The following AFDN variants were observed in gnomAD, a reference collection of about 807,000 sequenced individuals.
AFDN encodes the protein afadin.
In AFDN, 68 loss-of-function variants were observed where a neutral mutation model predicts 216.6. The observed-to-expected ratio is 0.31, with a 90% CI of 0.26 to 0.38. The LOEUF is 0.38. AFDN is among the 10% of genes least tolerant of loss of function. AFDN has a pLI of 1.00. For missense variants in AFDN, 2,136 were observed against 2,342.0 expected (o/e 0.91, Z 1.82); for synonymous variants, 868 against 853.7 (o/e 1.02, Z -0.29).
intron 1 of AFDN, among the ~76,000 whole-genome samples, chr6:167,846,814 A>G (rs1000718167): frequency 2.0e-5 from 3 of 149,874 alleles, no homozygotes; most frequent in Non-Finnish European, 1.5e-5. Context: ...GAGTTAATCT[A>G]TTAGAAAAGT....
Position 167,951,208 on chromosome 6 carries a change from A to G in AFDN, c.3854A>G (p.Glu1285Gly). The change falls in exon 30 of 34, where the codon GAA (glutamate) becomes GGA (glycine). Residue 1285 changes from glutamate to glycine, a missense_variant. Around this residue, in one of 8 missense-constraint regions of AFDN, gnomAD observed 981 missense variants for 966.0 expected, o/e 1.02. Coordinates refer to ENST00000683244, the MANE Select transcript of AFDN (RefSeq NM_001386888.1). This position sits in a 1 kb window ranked among gnomAD's most constrained non-coding sequence, Gnocchi z 7.1. ...AIQRVTRSQEELREDKAYQLE... is the reference protein window; with the variant it reads ...AIQRVTRSQEGLREDKAYQLE... Reference sequence around the variant, plus strand: ...CAGCGTGTTACACGTTCCCAAGAAGAACTTCGAGAAGATAAAGCTTACCAA... The same window carrying G: ...CAGCGTGTTACACGTTCCCAAGAAGGACTTCGAGAAGATAAAGCTTACCAA... 1 of 1,563,386 alleles carries G rather than the reference A, an allele frequency of 6.4e-7. No homozygotes were observed. Among genetic ancestry groups the G allele is most frequent in the Non-Finnish European group, 8.6e-7 (1 of 1,158,008 alleles).
chr6:167,875,534 A>C, intron 5 of AFDN, 39 bp downstream of exon 5: 4 of 1,602,754 alleles, frequency 2.5e-6, no homozygotes, highest in Non-Finnish European at 3.4e-6. Context: ...ACCTGTTACA[A>C]AGAGCATTGT....
At chr6:167,947,032 A>G in intron 27 of AFDN, 131 bp downstream of exon 27, 4 of 767,346 alleles carry the variant, frequency 5.2e-6, no homozygotes, top group African/African-American at 1.8e-5. Context: ...TATGGTTTTC[A>G]TAAGGGATAT....
chr6:167,860,905 C>T (rs1363785993), intron 1 of AFDN, among the ~76,000 whole-genome samples: 2 of 152,206 alleles, frequency 1.3e-5, no homozygotes, highest in Non-Finnish European at 2.9e-5. Context: ...TTTGTTTCTT[C>T]TGGAACTTTT....
chr6:167,860,159 C>CTTTTT lies in AFDN; in HGVS notation c.106-4368_106-4364dup, dbSNP rs370176215. Among the ~76,000 whole-genome samples the CTTTTT allele has an allele frequency of 1.8e-3, 144 of 79,388 alleles. 3 individuals carry two copies. Among genetic ancestry groups the CTTTTT allele is most frequent in the African/African-American group, 6.6e-3 (139 of 21,012 alleles). The allele number at this position is 79,388 out of a possible 152,430, so 52.1% of individuals were successfully genotyped here. On this transcript the variant is annotated intron_variant, in intron 1 of 33. Coordinates refer to ENST00000683244, the MANE Select transcript of AFDN (RefSeq NM_001386888.1). Reference sequence around the variant, plus strand: ...TAGGTATTAAGTACCTACAGCAATGCTTTTTTTTTTTTTTTTTTTTTTTTT... The same window carrying CTTTTT: ...TAGGTATTAAGTACCTACAGCAATGCTTTTTTTTTTTTTTTTTTTTTTTTTTTTTT...
At chr6:167,842,904 C>CT (rs1240439005) in intron 1 of AFDN, among the ~76,000 whole-genome samples, 1 of 151,926 alleles carries the variant, frequency 6.6e-6, no homozygotes, top group Non-Finnish European at 1.5e-5. Context: ...AACACATGAG[C>CT]TTTTAGTCAT....
chr6:167,915,262 C>G lies in AFDN; in HGVS notation c.2394C>G (p.Phe798Leu), dbSNP rs758344314. ...CCATCCAGCTCTTCTCTCAGCTCTT[C>G]CACTTCATCAATATGTGGCTGTTCA... ...ALTIQLFSQL[F>L]HFINMWLFNR... Residue 798 changes from phenylalanine (F) to leucine (L), a missense_variant, in exon 19 of 34, where the codon TTC (phenylalanine) becomes TTG (leucine). Phe to Leu is a conservative substitution (Grantham distance 22, BLOSUM62 0). Transcript: ENST00000683244. The G allele has an allele frequency of 1.2e-5, 20 of 1,614,130 alleles. No individual in the cohort carries two copies. In the South Asian group the frequency reaches 2.0e-4, roughly 16 times the overall value.
At chr6:167,827,397 C>G (rs1243486822) in intron 1 of AFDN, among the ~76,000 whole-genome samples, 160 bp downstream of exon 1, 1 of 133,638 alleles carries the variant, frequency 7.5e-6, no homozygotes, top group Admixed American at 7.4e-5. Flanking sequence ...CCACCGCGGG[C>G]CCCGGCGTCC....
chr6:167,844,374 A>G (rs1363276960), intron 1 of AFDN, among the ~76,000 whole-genome samples: 2 of 152,184 alleles, frequency 1.3e-5, no homozygotes, highest in African/African-American at 4.8e-5. Context: ...ATCGTAGGAT[A>G]TACACTTTTC....
chr6:167,948,254 T>C (rs535256587), intron 28 of AFDN, 39 bp from the exon 29 acceptor site: 1 of 1,552,796 alleles, frequency 6.4e-7, no homozygotes, highest in Admixed American at 1.9e-5. Flanking sequence ...TCTGTATGGT[T>C]GTAAAAAGCT....
chr6:167,839,036 T>C (rs995061362), intron 1 of AFDN, among the ~76,000 whole-genome samples: 2 of 152,198 alleles, frequency 1.3e-5, no homozygotes, highest in African/African-American at 4.8e-5. Context: ...TAAAATATAA[T>C]TTAACTTCAA....
chr6:167,926,422 C>G (rs533372103), intron 23 of AFDN, among the ~76,000 whole-genome samples: 4 of 152,312 alleles, frequency 2.6e-5, no homozygotes, highest in Non-Finnish European at 4.4e-5. Context: ...CATCTACTGT[C>G]CCATCATGCT....
Position 167,887,975 on chromosome 6 carries a change from T to C in AFDN, c.898-1240T>C, listed in dbSNP as rs113363852. 7.8e-4 allele frequency among the ~76,000 whole-genome samples: 119 copies of C among 152,242 alleles called. 2 individuals carry two copies. Among genetic ancestry groups the C allele is most frequent in the Non-Finnish European group, 1.1e-3 (72 of 68,018 alleles). Reference sequence around the variant, plus strand: ...AATCATTGAATGCTTTCTAGAGAAGTTGTACTTAAGCTGAAGGATGAGTGG... The same window carrying C: ...AATCATTGAATGCTTTCTAGAGAAGCTGTACTTAAGCTGAAGGATGAGTGG... On this transcript the variant is annotated intron_variant, in intron 6 of 33. Coordinates refer to ENST00000683244, the MANE Select transcript of AFDN (RefSeq NM_001386888.1).
chr6:167,917,248 C>G lies in AFDN; in HGVS notation c.2709+16C>G, dbSNP rs2128478357. ...TATCCCAACGGTGAGTGGATGTTGC[C>G]ACATTACCACACAGTGCGGGACATG... On this transcript the variant is annotated intron_variant, in intron 20 of 33. Transcript: ENST00000683244. 4 of 1,569,818 alleles carry G rather than the reference C, an allele frequency of 2.5e-6. No homozygotes were observed. The East Asian group carries it at 9.2e-5, about 36-fold the overall frequency.
At chr6:167,964,491 AT>A in intron 31 of AFDN, 1 of 1,065,780 alleles carries the variant, frequency 9.4e-7, no homozygotes, top group Non-Finnish European at 1.1e-6. Context: ...TTCCTTCAGG[AT>A]TTCTAAACAC....
intron 6 of AFDN, among the ~76,000 whole-genome samples, chr6:167,885,612 A>G (rs1786694638): frequency 6.6e-6 from 1 of 152,232 alleles, no homozygotes; most frequent in Non-Finnish European, 1.5e-5. Context: ...AACATCAGAG[A>G]TCACAGATCA....
chr6:167,827,111 C>A lies in AFDN; in HGVS notation c.-22C>A. 1 of 1,228,606 alleles carries A rather than the reference C, an allele frequency of 8.1e-7. No homozygotes were observed. Among genetic ancestry groups the A allele is most frequent in the Non-Finnish European group, 1.0e-6 (1 of 953,092 alleles). 76.1% of individuals were successfully genotyped at this position (1,228,606 alleles called of 1,614,324 possible). ...GTCCTCCGGCCCCGGCCCCGCGCGG[C>A]TGAGGAGGCGCGGCCAGGACCATGT... On this transcript the variant is annotated 5_prime_UTR_variant, in exon 1 of 34. In the 5' UTR this introduces an upstream ATG that the reference lacks. Transcript: ENST00000683244.
chr6:167,956,098 G>A (rs1455492854), intron 30 of AFDN, among the ~76,000 whole-genome samples: 2 of 115,938 alleles, frequency 1.7e-5, no homozygotes, highest in African/African-American at 6.7e-5. Context: ...CTGGGGAACA[G>A]AGCGAGACTT....
At chr6:167,923,556 A>G (rs1165953801) in intron 22 of AFDN, among the ~76,000 whole-genome samples, 2 of 151,180 alleles carry the variant, frequency 1.3e-5, no homozygotes, top group African/African-American at 4.9e-5. Context: ...TTAATTGATG[A>G]TCGTTCTTTT....
Sources: allele counts gnomAD v4.1 joint callset (sites outside exome capture counted in the v4.1 genomes callset), GRCh38; gene constraint gnomAD v4.1.1; regional missense constraint gnomAD v4.1.1; non-coding constraint Gnocchi (gnomAD v3.1); transcripts MANE v1.5; gene names NCBI Gene and HGNC (gene_info 2026-07-23, HGNC 2026-07-21).